Variants in XKR4 observed in about 807,000 individuals in gnomAD.
XKR4 encodes XK-related protein 4.
In XKR4, 12 loss-of-function variants were observed where a neutral mutation model predicts 53.9. The observed-to-expected ratio is 0.22, with a 90% CI of 0.14 to 0.36. XKR4 has a LOEUF of 0.36. Among genes scored for constraint, XKR4 ranks in the 10% least tolerant of loss-of-function variants. The probability of loss-of-function intolerance (pLI) is 1.00; values close to 1 mark genes in which losing one functional copy is unlikely to be tolerated. For synonymous variants in XKR4, 354 were observed against 362.4 expected (o/e 0.98, Z 0.26); for missense variants, 799 against 859.5 (o/e 0.93, Z 0.88).
chr8:55,523,396 C>T lies in XKR4; in HGVS notation c.1122C>T (p.Ile374=). The change falls in exon 3 of 3, where the codon ATC becomes ATT. Residue 374 remains isoleucine, a synonymous_variant. Coordinates refer to ENST00000327381, the MANE Select transcript of XKR4 (RefSeq NM_052898.2). Reference sequence around the variant, plus strand: ...CCATCAGCTACATGGCCGTCATCATCCAGTTCTGCTGGCACTTCTTCACCA... The same window carrying T: ...CCATCAGCTACATGGCCGTCATCATTCAGTTCTGCTGGCACTTCTTCACCA... The part of the protein sequence containing the change: ...KKPISYMAVI[I]QFCWHFFTIA... The T allele has an allele frequency of 6.2e-7, 1 of 1,614,236 alleles. No individual in the cohort carries two copies. Among genetic ancestry groups the T allele is most frequent in the Admixed American group, 1.7e-5 (1 of 60,034 alleles).
chr8:55,143,516 G>A lies in XKR4; in HGVS notation c.806+40222G>A, dbSNP rs187139929. Among the ~76,000 whole-genome samples, 9 of 152,148 alleles carry A rather than the reference G, an allele frequency of 5.9e-5. No individual in the cohort carries two copies. In the East Asian group the frequency reaches 1.2e-3, roughly 20 times the overall value. On this transcript the variant is annotated intron_variant, in intron 1 of 2. Transcript: ENST00000327381. ...TAAAATTTTGATTTTCCCCAAAAGA[G>A]CCAACATCTGTGTAATGCAATAACT...
chr8:55,527,852 CTA>C lies in XKR4; in HGVS notation c.*3627_*3628del, dbSNP rs1806898697. On this transcript the variant is annotated 3_prime_UTR_variant, in exon 3 of 3. Transcript: ENST00000327381. ...TTCTAAATGCCCAATTTATTTTGCT[CTA>C]TGAGTAAAGGAAGTGATTGCACAGA... 6.6e-6 allele frequency: 1 copy of C among 152,102 alleles called. No individual in the cohort carries two copies. The highest frequency in any genetic ancestry group is 2.4e-5 in the African/African-American group (1 of 41,418). The allele number at this position is 152,102 out of a possible 1,614,324, so 9.4% of individuals were successfully genotyped here.
chr8:55,367,037 T>G (rs1043220696), intron 2 of XKR4, among the ~76,000 whole-genome samples: 2 of 152,204 alleles, frequency 1.3e-5, no homozygotes, highest in Non-Finnish European at 2.9e-5. Flanking sequence ...TGTTTTCAAG[T>G]GTAACATAGA....
At position 55,141,645 on chromosome 8, in the gene XKR4, TTC is replaced by T. The variant is rs138063196; in HGVS notation, c.806+38377_806+38378del. ...TTTCTGTCTCTCTTGGTGCTTCTGC[TTC>T]TCTCTCTCTCTCTCTCTCTCTCTCT... is the stretch of plus-strand genomic sequence containing the variant. On this transcript the variant is annotated intron_variant, in intron 1 of 2. Transcript: ENST00000327381. 4.9e-4 allele frequency among the ~76,000 whole-genome samples: 55 copies of T among 111,930 alleles called. 1 individual carries two copies. The highest frequency in any genetic ancestry group is 7.5e-4 in the South Asian group (2 of 2,676). 73.4% of individuals were successfully genotyped at this position (111,930 alleles called of 152,430 possible).
Position 55,102,904 on chromosome 8 carries a change from G to A in XKR4, c.416G>A (p.Arg139His). 3 of 1,612,078 alleles carry A rather than the reference G, an allele frequency of 1.9e-6. No homozygotes were observed. Among genetic ancestry groups the A allele is most frequent in the Non-Finnish European group, 2.5e-6 (3 of 1,179,920 alleles). ...DVWLAVDYYL[R>H]GQRWWFGLTL... Reference sequence around the variant, plus strand: ...TGGCTCGCCGTGGACTACTACCTGCGCGGCCAGCGCTGGTGGTTCGGGCTC... The same window carrying A: ...TGGCTCGCCGTGGACTACTACCTGCACGGCCAGCGCTGGTGGTTCGGGCTC... Residue 139 changes from arginine to histidine, a missense_variant, in exon 1 of 3, where the codon CGC (arginine) becomes CAC (histidine). This residue lies in a region of XKR4 where 476 missense variants were observed against 505.4 expected (regional missense o/e 0.94). Coordinates refer to ENST00000327381, the MANE Select transcript of XKR4 (RefSeq NM_052898.2). This position sits in a 1 kb window ranked among gnomAD's most constrained non-coding sequence, Gnocchi z 5.1.
intron 2 of XKR4, chr8:55,454,365 G>A (rs762675081): frequency 1.4e-5 from 21 of 1,506,712 alleles, no homozygotes; most frequent in Non-Finnish European, 1.7e-5. Flanking sequence ...GGCAGGATGG[G>A]CACATAGGTG....
At chr8:55,366,263 G>A (rs1803985033) in intron 2 of XKR4, among the ~76,000 whole-genome samples, 1 of 152,250 alleles carries the variant, frequency 6.6e-6, no homozygotes, top group African/African-American at 2.4e-5. Flanking sequence ...CCTTTCGGGT[G>A]GAGGGAGCTG....
At chr8:55,377,482 C>T (rs552991199) in intron 2 of XKR4, among the ~76,000 whole-genome samples, 1 of 152,206 alleles carries the variant, frequency 6.6e-6, no homozygotes, top group Non-Finnish European at 1.5e-5. Flanking sequence ...ATCTACCTTA[C>T]AGCCAAGGCA....
chr8:55,155,018 G>C (rs1816885640), intron 1 of XKR4, among the ~76,000 whole-genome samples: 1 of 152,170 alleles, frequency 6.6e-6, no homozygotes, highest in Non-Finnish European at 1.5e-5. Context: ...AGTTCAAGGA[G>C]CTCTTTCCTC....
chr8:55,247,996 C>T (rs1818309692), intron 1 of XKR4, among the ~76,000 whole-genome samples: 1 of 151,224 alleles, frequency 6.6e-6, no homozygotes, highest in Admixed American at 6.6e-5. Flanking sequence ...ACTGGGACTA[C>T]AGGTGCGTGC....
At chr8:55,196,316 G>A (rs751462053) in intron 1 of XKR4, among the ~76,000 whole-genome samples, 2 of 151,862 alleles carry the variant, frequency 1.3e-5, no homozygotes, top group Non-Finnish European at 2.9e-5. Flanking sequence ...TGAGTAGCTG[G>A]GATTACAGGC....
chr8:55,482,788 T>C (rs1806131686), intron 2 of XKR4, among the ~76,000 whole-genome samples: 1 of 152,208 alleles, frequency 6.6e-6, no homozygotes, highest in South Asian at 2.1e-4. Context: ...TCATTGAATG[T>C]ATTTTGGATT....
At chr8:55,296,919 T>A (rs1031567101) in intron 1 of XKR4, among the ~76,000 whole-genome samples, 5 of 152,216 alleles carry the variant, frequency 3.3e-5, no homozygotes, top group Admixed American at 2.6e-4. Flanking sequence ...CATCAGTTAA[T>A]ACATTTGGGT....
rs942696911 is a variant in XKR4, at chr8:55,525,511, C to T, written c.*1284C>T. The T allele has an allele frequency of 2.0e-5, 3 of 152,548 alleles. No individual in the cohort carries two copies. The highest frequency in any genetic ancestry group is 2.9e-5 in the Non-Finnish European group (2 of 68,022). The allele number at this position is 152,548 out of a possible 1,614,324, so 9.4% of individuals were successfully genotyped here. A position where few individuals can be genotyped will look rare whatever the true frequency, so the allele number is the denominator to read the frequency against. ...CTGAGAGAGGGCTTATCACTATATCCAGCTAAGATTTGTATTTGAATCATC... is the reference window on the plus strand; with the variant it reads ...CTGAGAGAGGGCTTATCACTATATCTAGCTAAGATTTGTATTTGAATCATC... On this transcript the variant is annotated 3_prime_UTR_variant, in exon 3 of 3. Coordinates refer to ENST00000327381, the MANE Select transcript of XKR4 (RefSeq NM_052898.2).
chr8:55,510,120 C>CA (rs1425109023), intron 2 of XKR4, among the ~76,000 whole-genome samples: 1 of 151,970 alleles, frequency 6.6e-6, no homozygotes, highest in Admixed American at 6.6e-5. Context: ...GAGAGACACC[C>CA]ACAGGCTGAG....
intron 2 of XKR4, among the ~76,000 whole-genome samples, chr8:55,418,708 A>T (rs981931213): frequency 3.3e-5 from 5 of 152,142 alleles, no homozygotes; most frequent in Non-Finnish European, 7.4e-5. Flanking sequence ...CGGACCCTCC[A>T]TGACCCACCA....
chr8:55,415,935 T>C (rs1436426782), intron 2 of XKR4, among the ~76,000 whole-genome samples: 1 of 152,178 alleles, frequency 6.6e-6, no homozygotes, highest in Non-Finnish European at 1.5e-5. Flanking sequence ...ATAATCATCA[T>C]GCTAATCAAA....
intron 1 of XKR4, among the ~76,000 whole-genome samples, chr8:55,126,739 C>T (rs951821904): frequency 6.6e-6 from 1 of 152,324 alleles, no homozygotes. Context: ...GGTCTCCCTA[C>T]TGGAATCCCA....
In XKR4 at chr8:55,305,536, C is replaced by T. The variant is rs116212199; in HGVS notation, c.807-52142C>T. Among the ~76,000 whole-genome samples, 152 of 152,272 alleles carry T rather than the reference C, an allele frequency of 1.0e-3. 1 individual carries two copies. The highest frequency in any genetic ancestry group is 6.8e-3 in the Middle Eastern group (2 of 294). ...GGCAGAAGATTCAGTCAAGTTCATA[C>T]GTGCCTTGAGTATGTCACTTAGCAT... On this transcript the variant is annotated intron_variant, in intron 1 of 2. Transcript: ENST00000327381.
Sources: allele counts gnomAD v4.1 joint callset (sites outside exome capture counted in the v4.1 genomes callset), GRCh38; gene constraint gnomAD v4.1.1; regional missense constraint gnomAD v4.1.1; non-coding constraint Gnocchi (gnomAD v3.1); transcripts MANE v1.5; gene names NCBI Gene and HGNC (gene_info 2026-07-23, HGNC 2026-07-21).